The following RABGAP1L variants were observed in gnomAD, a reference collection of about 807,000 sequenced individuals.
RABGAP1L encodes the protein rab GTPase-activating protein 1-like.
Under a neutral mutation model 137.7 loss-of-function variants are expected in RABGAP1L, and 63 were observed. That is an observed-to-expected ratio of 0.46 (90% CI 0.37 to 0.56). The LOEUF is 0.56. Among genes scored for constraint, RABGAP1L ranks in the 20% least tolerant of loss-of-function variants. The probability of loss-of-function intolerance (pLI) is 0.00; values close to 1 mark genes in which losing one functional copy is unlikely to be tolerated. For missense variants in RABGAP1L, 1,095 were observed against 1,244.0 expected (o/e 0.88, Z 1.80); for synonymous variants, 431 against 433.7 (o/e 0.99, Z 0.08).
intron 14 of RABGAP1L, among the ~76,000 whole-genome samples, chr1:174,644,488 A>T (rs1674791495): frequency 6.6e-6 from 1 of 151,978 alleles, no homozygotes; most frequent in South Asian, 2.1e-4. Context: ...TTTTTAAAAA[A>T]CACTACTCTT....
At chr1:174,746,445 C>T (rs1453143971) in intron 17 of RABGAP1L, among the ~76,000 whole-genome samples, 1 of 152,166 alleles carries the variant, frequency 6.6e-6, no homozygotes, top group Non-Finnish European at 1.5e-5. Flanking sequence ...TTTGTTGCCT[C>T]ATATACTGCA....
chr1:174,981,197 A>G (rs960957740), intron 23 of RABGAP1L, among the ~76,000 whole-genome samples: 1 of 152,250 alleles, frequency 6.6e-6, no homozygotes, highest in Non-Finnish European at 1.5e-5. Flanking sequence ...TTTGAAGATA[A>G]GGATATAAGA....
rs141041547 is a variant in RABGAP1L at position 174,312,293 on chromosome 1, G to T, written c.1465+7166G>T. Among the ~76,000 whole-genome samples, 193 of 152,240 alleles carry T rather than the reference G, an allele frequency of 1.3e-3. 1 individual carries two copies. The highest frequency in any genetic ancestry group is 8.6e-3 in the Admixed American group (131 of 15,294). ...TTGGATGTAAGCTATTTTAACTGGGGTGAGATGATATCTCATTGTAGTTTT... is the reference window on the plus strand; with the variant it reads ...TTGGATGTAAGCTATTTTAACTGGGTTGAGATGATATCTCATTGTAGTTTT... On this transcript the variant is annotated intron_variant, in intron 11 of 25. Coordinates refer to ENST00000681986, the MANE Select transcript of RABGAP1L (RefSeq NM_001366446.1).
intron 12 of RABGAP1L, among the ~76,000 whole-genome samples, chr1:174,385,386 T>C (rs1050243767): frequency 8.5e-5 from 13 of 152,204 alleles, no homozygotes; most frequent in African/African-American, 2.4e-4. Context: ...ATTTTGGAGA[T>C]GTTGAGATGC....
At chr1:174,420,763 CT>C (rs1231294460) in intron 13 of RABGAP1L, among the ~76,000 whole-genome samples, 3 of 151,624 alleles carry the variant, frequency 2.0e-5, no homozygotes, top group African/African-American at 7.3e-5. Flanking sequence ...CAAGCTCCAC[CT>C]CCTGGGTTCA....
chr1:174,815,282 A>G (rs1028286728), intron 19 of RABGAP1L, among the ~76,000 whole-genome samples: 1 of 152,138 alleles, frequency 6.6e-6, no homozygotes, highest in Non-Finnish European at 1.5e-5. Flanking sequence ...GCAGTTGGAA[A>G]TTTTAGGAGA....
chr1:174,620,265 A>T (rs868032256), intron 13 of RABGAP1L, among the ~76,000 whole-genome samples: 32 of 152,348 alleles, frequency 2.1e-4, no homozygotes, highest in Non-Finnish European at 4.4e-4. Context: ...AATTGAACTC[A>T]GCTCTGCACC....
intron 1 of RABGAP1L, among the ~76,000 whole-genome samples, chr1:174,165,439 C>T (rs567179623): frequency 3.9e-5 from 6 of 152,170 alleles, no homozygotes; most frequent in East Asian, 1.9e-4. Context: ...CGTGAGCCAC[C>T]GTGCCCGGTC....
At chr1:174,184,039 G>GTT (rs562802626) in intron 1 of RABGAP1L, among the ~76,000 whole-genome samples, 19 of 150,144 alleles carry the variant, frequency 1.3e-4, no homozygotes, top group South Asian at 8.4e-4. Context: ...CTAATTTTTT[G>GTT]TTTTTTTTTA....
intron 19 of RABGAP1L, among the ~76,000 whole-genome samples, chr1:174,926,870 T>C (rs1445144940): frequency 6.6e-6 from 1 of 151,902 alleles, no homozygotes; most frequent in African/African-American, 2.4e-5. Context: ...GTCAGGAGTT[T>C]GAGACCAGCC....
chr1:174,714,398 G>A (rs1226240549), intron 17 of RABGAP1L, among the ~76,000 whole-genome samples: 1 of 152,094 alleles, frequency 6.6e-6, no homozygotes, highest in Non-Finnish European at 1.5e-5. Context: ...ATTTCTGAAA[G>A]GAAGAGCTAT....
intron 19 of RABGAP1L, among the ~76,000 whole-genome samples, chr1:174,840,540 G>C (rs531072161): frequency 1.3e-5 from 2 of 151,522 alleles, no homozygotes; most frequent in East Asian, 3.9e-4. Context: ...TGCTGGGCAC[G>C]GTGACTCACG....
At chr1:174,656,526 A>G (rs1251148860) in intron 14 of RABGAP1L, among the ~76,000 whole-genome samples, 1 of 152,218 alleles carries the variant, frequency 6.6e-6, no homozygotes, top group Non-Finnish European at 1.5e-5. Flanking sequence ...TTGTGCAACC[A>G]TTACTACTGT....
At chr1:174,580,522 A>C (rs1000374165) in intron 13 of RABGAP1L, among the ~76,000 whole-genome samples, 3 of 152,178 alleles carry the variant, frequency 2.0e-5, no homozygotes, top group African/African-American at 7.2e-5. Flanking sequence ...TCAGCAAACT[A>C]TCACAAGGAC....
chr1:174,887,620 G>T (rs978964501), intron 19 of RABGAP1L, among the ~76,000 whole-genome samples: 20 of 152,058 alleles, frequency 1.3e-4, no homozygotes, highest in Non-Finnish European at 2.2e-4. Context: ...CTTGGGGGGG[G>T]GGTCATGGAT....
In RABGAP1L at chr1:174,418,819, A is replaced by C. The variant is rs187528908; in HGVS notation, c.1710+24674A>C. Among the ~76,000 whole-genome samples, 104 of 152,270 alleles carry C rather than the reference A, an allele frequency of 6.8e-4. 1 individual carries two copies. The highest frequency in any genetic ancestry group is 2.3e-3 in the African/African-American group (95 of 41,550). On this transcript the variant is annotated intron_variant, in intron 13 of 25. Transcript: ENST00000681986. Reference sequence around the variant, plus strand: ...TTTGGGAGGCTGAGGCAGGTGGATTACTTGAGGTCAGGAGTTCAAGACCAG... The same window carrying C: ...TTTGGGAGGCTGAGGCAGGTGGATTCCTTGAGGTCAGGAGTTCAAGACCAG...
intron 11 of RABGAP1L, among the ~76,000 whole-genome samples, chr1:174,306,698 CT>C (rs964328955): frequency 4.6e-4 from 70 of 151,812 alleles, no homozygotes; most frequent in African/African-American, 1.2e-3. Context: ...CTTACCACTG[CT>C]TTTTTTTGGA....
chr1:174,964,728 AT>A, intron 20 of RABGAP1L: 1 of 1,161,950 alleles, frequency 8.6e-7, no homozygotes, highest in Non-Finnish European at 1.1e-6. Context: ...GTTTGAAGAT[AT>A]GAGTCTTCCT....
chr1:174,694,713 C>T (rs1205516223), intron 15 of RABGAP1L, among the ~76,000 whole-genome samples: 1 of 151,642 alleles, frequency 6.6e-6, no homozygotes, highest in East Asian at 1.9e-4. Flanking sequence ...GGGTATATAC[C>T]GAGTAATGGG....
Sources: gnomAD v4.1 joint callset for allele counts (sites outside exome capture counted in the v4.1 genomes callset) on GRCh38, gnomAD v4.1.1 for gene constraint, MANE v1.5 for transcripts, NCBI Gene and HGNC (gene_info 2026-07-23, HGNC 2026-07-21) for gene names.